Variants in MAMDC2 observed in about 807,000 individuals in gnomAD.
MAMDC2 encodes MAM domain-containing protein 2.
A neutral mutation model predicts 89.8 loss-of-function variants in MAMDC2; 57 were observed. That is an observed-to-expected ratio of 0.63 (90% CI 0.51 to 0.79). The LOEUF (loss-of-function observed/expected upper bound fraction) is 0.79. MAMDC2 is among the 30% of genes least tolerant of loss of function. The pLI is 0.00. For missense variants in MAMDC2, 800 were observed against 820.6 expected (o/e 0.97, Z 0.31); for synonymous variants, 313 against 293.4 (o/e 1.07, Z -0.68).
At chr9:70,211,490 G>A (rs1171004137) in intron 11 of MAMDC2, among the ~76,000 whole-genome samples, 1 of 152,100 alleles carries the variant, frequency 6.6e-6, no homozygotes, top group Non-Finnish European at 1.5e-5. Flanking sequence ...GTCATTTAAG[G>A]TCTTCTCTAT....
chr9:70,049,093 T>C (rs1826827473), intron 2 of MAMDC2, among the ~76,000 whole-genome samples: 1 of 152,070 alleles, frequency 6.6e-6, no homozygotes, highest in Admixed American at 6.5e-5. Flanking sequence ...TTTTCCATGG[T>C]AGGAGTCAGG....
intron 11 of MAMDC2, chr9:70,175,628 A>T (rs1427094444): frequency 6.6e-6 from 1 of 152,224 alleles, no homozygotes; most frequent in Non-Finnish European, 1.5e-5. Flanking sequence ...CAGCAGTTTC[A>T]GGCATCCACC....
intron 11 of MAMDC2, among the ~76,000 whole-genome samples, chr9:70,173,523 G>C (rs1313938180): frequency 6.6e-6 from 1 of 152,182 alleles, no homozygotes; most frequent in Non-Finnish European, 1.5e-5. Flanking sequence ...AGTCAAGAAT[G>C]AATCAGTTTT....
intron 2 of MAMDC2, among the ~76,000 whole-genome samples, chr9:70,056,585 C>T (rs1827029141): frequency 6.6e-6 from 1 of 152,174 alleles, no homozygotes; most frequent in Non-Finnish European, 1.5e-5. Flanking sequence ...GATAACACAT[C>T]TGAAGATGCA....
At chr9:70,219,145 G>A (rs2033507586) in intron 12 of MAMDC2, among the ~76,000 whole-genome samples, 1 of 152,102 alleles carries the variant, frequency 6.6e-6, no homozygotes, top group Non-Finnish European at 1.5e-5. Context: ...TGCTATAGAA[G>A]ATGTCCATCC....
At chr9:70,198,738 A>G (rs556745903) in intron 11 of MAMDC2, among the ~76,000 whole-genome samples, 1 of 152,272 alleles carries the variant, frequency 6.6e-6, no homozygotes, top group African/African-American at 2.4e-5. Context: ...ATTCTCTTCC[A>G]ATATGCTAAT....
In MAMDC2 at chr9:70,218,370, T is replaced by C. The variant is rs764465711; in HGVS notation, c.1685T>C (p.Val562Ala). The C allele has an allele frequency of 6.2e-7, 1 of 1,614,096 alleles. No individual in the cohort carries two copies. Among genetic ancestry groups the C allele is most frequent in the East Asian group, 2.2e-5 (1 of 44,888 alleles). ...ATGTACATTGAGGCCTCCCATATGG[T>C]GTATGGACAAAAAGCACGCCTCTTG... The part of the protein sequence containing the change: ...YYMYIEASHM[V>A]YGQKARLLSR... Residue 562 changes from valine to alanine, a missense_variant, in exon 12 of 14, where the codon GTG becomes GCG. By Grantham distance (64) the Val-to-Ala change is moderately conservative. Coordinates refer to ENST00000377182, the MANE Select transcript of MAMDC2 (RefSeq NM_153267.5).
At chr9:70,112,408 G>C (rs1166597340) in intron 4 of MAMDC2, among the ~76,000 whole-genome samples, 1 of 152,112 alleles carries the variant, frequency 6.6e-6, no homozygotes, top group African/African-American at 2.4e-5. Context: ...ATTTTACCTG[G>C]GTTCTGATTT....
At chr9:70,057,004 T>C (rs1827038786) in intron 2 of MAMDC2, among the ~76,000 whole-genome samples, 4 of 152,220 alleles carry the variant, frequency 2.6e-5, no homozygotes, top group Admixed American at 2.6e-4. Flanking sequence ...CCACTGATTC[T>C]ACATTATGGT....
At chr9:70,101,276 TAA>T (rs1828185850) in intron 2 of MAMDC2, among the ~76,000 whole-genome samples, 1 of 152,138 alleles carries the variant, frequency 6.6e-6, no homozygotes, top group South Asian at 2.1e-4. Flanking sequence ...AGTTGTTACA[TAA>T]GAGTCAAATG....
chr9:70,066,036 A>T (rs1197091822), intron 2 of MAMDC2, among the ~76,000 whole-genome samples: 1 of 152,222 alleles, frequency 6.6e-6, no homozygotes. Context: ...TGAAACTTAT[A>T]TTCTGGTAAG....
rs1192451050 is a variant in MAMDC2 at position 70,147,452 on chromosome 9, CT to C, written c.1404+3634del. ...AGAGAAGGAACTTATACTATTCCTTCTGCTTTTCTCTCTCTTCCTCGTAATT... is the reference window on the plus strand; with the variant it reads ...AGAGAAGGAACTTATACTATTCCTTCGCTTTTCTCTCTCTTCCTCGTAATT... On this transcript the variant is annotated intron_variant, in intron 9 of 13. Transcript: ENST00000377182. Among the ~76,000 whole-genome samples the C allele has an allele frequency of 1.3e-5, 2 of 149,744 alleles. 1 individual carries two copies. Among genetic ancestry groups the C allele is most frequent in the African/African-American group, 5.0e-5 (2 of 40,368 alleles).
At chr9:70,166,422 ATTG>A (rs1332394137) in intron 9 of MAMDC2, among the ~76,000 whole-genome samples, 2 of 151,788 alleles carry the variant, frequency 1.3e-5, no homozygotes, top group Admixed American at 6.6e-5. Flanking sequence ...GTCTAACATA[ATTG>A]TTGTAAATTT....
At chr9:70,078,720 A>G (rs1245135717) in intron 2 of MAMDC2, among the ~76,000 whole-genome samples, 1 of 151,972 alleles carries the variant, frequency 6.6e-6, no homozygotes, top group Non-Finnish European at 1.5e-5. Flanking sequence ...TGTAATTGCT[A>G]CCTCCTTTTA....
chr9:70,210,407 G>C (rs1422583606), intron 11 of MAMDC2, among the ~76,000 whole-genome samples: 1 of 152,124 alleles, frequency 6.6e-6, no homozygotes, highest in East Asian at 1.9e-4. Context: ...TGTCTCTTTT[G>C]ATCTTTGTTG....
At chr9:70,204,884 A>T (rs2033188665) in intron 11 of MAMDC2, among the ~76,000 whole-genome samples, 1 of 152,178 alleles carries the variant, frequency 6.6e-6, no homozygotes. Flanking sequence ...TGTGCTTCCC[A>T]GGTGAGGCAA....
chr9:70,104,921 G>A (rs1449803150), intron 2 of MAMDC2, among the ~76,000 whole-genome samples: 1 of 152,078 alleles, frequency 6.6e-6, no homozygotes, highest in Non-Finnish European at 1.5e-5. Context: ...TATTAAAAGG[G>A]TGAATTCTAT....
intron 2 of MAMDC2, among the ~76,000 whole-genome samples, chr9:70,064,925 C>A (rs1005809126): frequency 2.0e-5 from 3 of 152,088 alleles, no homozygotes; most frequent in African/African-American, 7.2e-5. Context: ...CAAAACAAAG[C>A]AAAATAAAAT....
intron 11 of MAMDC2, among the ~76,000 whole-genome samples, chr9:70,183,446 T>A (rs1428132328): frequency 6.6e-6 from 1 of 152,182 alleles, no homozygotes; most frequent in Non-Finnish European, 1.5e-5. Context: ...CAATGGGGTG[T>A]TAAAGTCTTC....
Sources: allele counts gnomAD v4.1 joint callset (sites outside exome capture counted in the v4.1 genomes callset), GRCh38; gene constraint gnomAD v4.1.1; transcripts MANE v1.5; gene names NCBI Gene and HGNC (gene_info 2026-07-23, HGNC 2026-07-21).